Variants in GNG12 observed in about 807,000 individuals in gnomAD.
GNG12 encodes the protein G protein subunit gamma 12, also known as guanine nucleotide-binding protein G(I)/G(S)/G(O) subunit gamma-12.
For missense variants in GNG12, 69 were observed against 83.8 expected (o/e 0.82, Z 0.69); for synonymous variants, 28 against 29.7 (o/e 0.94, Z 0.19).
intron 2 of GNG12, among the ~76,000 whole-genome samples, chr1:67,745,663 A>T (rs1646503547): frequency 6.6e-6 from 1 of 152,242 alleles, no homozygotes; most frequent in Admixed American, 6.5e-5. Context: ...CTTTGCAAAC[A>T]GGGCTCTCCA....
At chr1:67,726,894 C>T (rs1646389540) in intron 2 of GNG12, among the ~76,000 whole-genome samples, 1 of 152,108 alleles carries the variant, frequency 6.6e-6, no homozygotes, top group Non-Finnish European at 1.5e-5. Flanking sequence ...TGGTTTCAGG[C>T]TACCCACTAC....
At chr1:67,755,534 A>C (rs187860562) in intron 2 of GNG12, among the ~76,000 whole-genome samples, 34 of 152,304 alleles carry the variant, frequency 2.2e-4, no homozygotes, top group African/African-American at 6.0e-4. Context: ...TTCCGGCCTC[A>C]CACTATAAGG....
intron 1 of GNG12, among the ~76,000 whole-genome samples, chr1:67,787,496 G>A (rs1007065751): frequency 2.6e-5 from 4 of 152,140 alleles, no homozygotes; most frequent in Non-Finnish European, 4.4e-5. Flanking sequence ...CCTAAAGGAG[G>A]TAACTGTAGT....
In GNG12 at chr1:67,833,430, C is replaced by T. The variant is rs1647065344; in HGVS notation, c.-163G>A. 1.9e-5 allele frequency: 19 copies of T among 985,396 alleles called. No homozygotes were observed. Among genetic ancestry groups the T allele is most frequent in the Non-Finnish European group, 2.2e-5 (18 of 830,204 alleles). 61.0% of individuals were successfully genotyped at this position (985,396 alleles called of 1,614,324 possible). A position where few individuals can be genotyped will look rare whatever the true frequency, so the allele number is the denominator to read the frequency against. ...GACGGCTCCGACCTCTCCTCCTCCT[C>T]CTCCTCTTGCTCCTCCGGGCGCCGG... On this transcript the variant is annotated 5_prime_UTR_variant, in exon 1 of 4. Transcript: ENST00000370982.
chr1:67,773,642 T>C (rs918583529), intron 2 of GNG12, among the ~76,000 whole-genome samples: 2 of 152,172 alleles, frequency 1.3e-5, no homozygotes, highest in Admixed American at 6.5e-5. Context: ...CAATGTAAAT[T>C]CTGTGTATCA....
intron 2 of GNG12, among the ~76,000 whole-genome samples, chr1:67,750,299 G>A (rs1049462219): frequency 2.6e-5 from 4 of 152,134 alleles, no homozygotes; most frequent in Admixed American, 2.6e-4. Context: ...CAGGGAACAT[G>A]TTCTCCCAGT....
intron 2 of GNG12, among the ~76,000 whole-genome samples, chr1:67,763,416 G>C (rs1339803790): frequency 6.6e-6 from 1 of 152,140 alleles, no homozygotes; most frequent in Non-Finnish European, 1.5e-5. Context: ...ATATTTAAGA[G>C]TAAGTGCTGG....
chr1:67,726,899 C>T (rs1236171656), intron 2 of GNG12, among the ~76,000 whole-genome samples: 2 of 152,156 alleles, frequency 1.3e-5, no homozygotes, highest in Non-Finnish European at 2.9e-5. Flanking sequence ...TCAGGCTACC[C>T]ACTACCTTTG....
intron 1 of GNG12, among the ~76,000 whole-genome samples, chr1:67,820,127 G>T (rs1056019328): frequency 6.6e-6 from 1 of 151,222 alleles, no homozygotes; most frequent in African/African-American, 2.4e-5. Context: ...AGCGGCTCAC[G>T]CCTGTAATCC....
intron 2 of GNG12, among the ~76,000 whole-genome samples, chr1:67,764,367 C>G (rs1412648929): frequency 6.6e-6 from 1 of 152,190 alleles, no homozygotes; most frequent in Non-Finnish European, 1.5e-5. Context: ...AAACATTGCT[C>G]TTACTAAAAA....
At chr1:67,744,408 G>A (rs1046275849) in intron 2 of GNG12, among the ~76,000 whole-genome samples, 3 of 152,160 alleles carry the variant, frequency 2.0e-5, no homozygotes, top group Non-Finnish European at 4.4e-5. Flanking sequence ...AGGTGTCCAA[G>A]GAAAGGCAGA....
intron 2 of GNG12, among the ~76,000 whole-genome samples, chr1:67,729,241 T>A (rs946518008): frequency 3.9e-5 from 6 of 152,192 alleles, no homozygotes; most frequent in African/African-American, 1.4e-4. Flanking sequence ...CTCCAAGGGC[T>A]TGCAGAGGAC....
At chr1:67,709,975 TATA>T (rs1646277269) in intron 2 of GNG12, among the ~76,000 whole-genome samples, 1 of 13,076 alleles carries the variant, frequency 7.6e-5, no homozygotes, top group African/African-American at 2.4e-4. Context: ...TATATATAGT[TATA>T]TATATATAGT....
chr1:67,798,961 T>TATAAATAA lies in GNG12; in HGVS notation c.-76-21462_-76-21455dup, dbSNP rs34151514. Among the ~76,000 whole-genome samples the TATAAATAA allele has an allele frequency of 5.1e-3, 772 of 150,776 alleles. 5 individuals are homozygous for TATAAATAA. The highest frequency in any genetic ancestry group is 0.017 in the East Asian group (89 of 5,094). On this transcript the variant is annotated intron_variant, in intron 1 of 3. Coordinates refer to ENST00000370982, the MANE Select transcript of GNG12 (RefSeq NM_018841.6). ...GAGCAAGGCTGTCTCACAAAAAAAA[T>TATAAATAA]ATAAATAAATAAATAAATAAATAAA...
chr1:67,770,081 T>C (rs1646664887), intron 2 of GNG12, among the ~76,000 whole-genome samples: 1 of 152,100 alleles, frequency 6.6e-6, no homozygotes, highest in Non-Finnish European at 1.5e-5. Flanking sequence ...GATGCGAAAG[T>C]GAAGGTTTCC....
chr1:67,798,197 C>T (rs895961788), intron 1 of GNG12, among the ~76,000 whole-genome samples: 4 of 152,294 alleles, frequency 2.6e-5, no homozygotes, highest in African/African-American at 7.2e-5. Flanking sequence ...CGGCAGGAAG[C>T]GAGCAGTACC....
chr1:67,766,143 CACACA>C (rs1557610122), intron 2 of GNG12, among the ~76,000 whole-genome samples: 46 of 125,734 alleles, frequency 3.7e-4, no homozygotes, highest in African/African-American at 1.4e-3. Flanking sequence ...CACACACACA[CACACA>C]CCCCTAAACA....
At chr1:67,779,204 A>G (rs1472055961) in intron 1 of GNG12, among the ~76,000 whole-genome samples, 3 of 152,172 alleles carry the variant, frequency 2.0e-5, no homozygotes, top group Non-Finnish European at 2.9e-5. Context: ...AAGAATTAAG[A>G]AAACACATCT....
At chr1:67,777,422 CAAA>C (rs1646712234) in intron 2 of GNG12, 33 bp downstream of exon 2, 1 of 571,734 alleles carries the variant, frequency 1.7e-6, no homozygotes, top group Non-Finnish European at 2.2e-6. Context: ...AAAATAAAGT[CAAA>C]CAGTCACTTT....
Sources: allele counts gnomAD v4.1 joint callset (sites outside exome capture counted in the v4.1 genomes callset), GRCh38; gene constraint gnomAD v4.1.1; transcripts MANE v1.5; gene names NCBI Gene and HGNC (gene_info 2026-07-23, HGNC 2026-07-21).